Variants in REPS2 observed in about 807,000 individuals in gnomAD.
REPS2 encodes RALBP1 associated Eps domain containing 2.
A neutral mutation model predicts 53.6 loss-of-function variants in REPS2; 23 were observed. That is an observed-to-expected ratio of 0.43 (90% CI 0.31 to 0.61). The LOEUF is 0.61. REPS2 is among the 20% of genes least tolerant of loss of function. The probability of loss-of-function intolerance (pLI) is 0.11; values close to 1 mark genes in which losing one functional copy is unlikely to be tolerated. For synonymous variants in REPS2, 238 were observed against 218.6 expected (o/e 1.09, Z -0.78); for missense variants, 446 against 534.9 (o/e 0.83, Z 1.64).
intron 1 of REPS2, among the ~76,000 whole-genome samples, chrX:16,951,561 C>A (rs55694365): frequency 0.021 from 542 of 25,706 alleles, 45 homozygotes; most frequent in Middle Eastern, 0.086. Flanking sequence ...ACACACACAC[C>A]CCCGCTACCT....
intron 7 of REPS2, 46 bp downstream of exon 7, chrX:17,052,491 C>A: frequency 9.9e-7 from 1 of 1,009,339 alleles, no homozygotes; most frequent in Non-Finnish European, 1.4e-6. Flanking sequence ...TCATCCATAA[C>A]TCATCCTTTA....
At chrX:17,170,954 A>C in the REPS2 span, among the ~76,000 whole-genome samples, 631 of 112,949 alleles carry the variant, frequency 5.6e-3, 2 homozygotes, top group African/African-American at 0.019. Context: ...GCCAGACTCC[A>C]AAGGCCAGGT....
At chrX:17,097,177 G>C (rs759882614) in intron 13 of REPS2, among the ~76,000 whole-genome samples, 2 of 111,996 alleles carry the variant, frequency 1.8e-5, no homozygotes, top group Non-Finnish European at 3.8e-5. Flanking sequence ...AATAGCAATA[G>C]TAGAAACCAG....
intron 1 of REPS2, among the ~76,000 whole-genome samples, chrX:16,974,760 T>C (rs1397623655): frequency 9.0e-6 from 1 of 111,610 alleles, no homozygotes; most frequent in Non-Finnish European, 1.9e-5. Flanking sequence ...TGCTGATTTG[T>C]TGTATAGGTA....
chrX:17,064,439 A>G (rs2062199989), intron 9 of REPS2, among the ~76,000 whole-genome samples: 1 of 111,912 alleles, frequency 8.9e-6, no homozygotes, highest in Admixed American at 9.5e-5. Flanking sequence ...TTGTGTTCTG[A>G]ACAAAGCTGC....
intron 14 of REPS2, among the ~76,000 whole-genome samples, chrX:17,111,212 G>T (rs946221644): frequency 1.8e-5 from 2 of 111,493 alleles, no homozygotes; most frequent in Non-Finnish European, 3.8e-5. Context: ...TTAAAACTCC[G>T]TGAATAAACA....
At chrX:17,058,027 T>C (rs775114928) in intron 8 of REPS2, among the ~76,000 whole-genome samples, 2 of 112,340 alleles carry the variant, frequency 1.8e-5, no homozygotes, top group Non-Finnish European at 3.8e-5. Context: ...AGTTTTCTGT[T>C]TGGGGGTCAT....
intron 14 of REPS2, among the ~76,000 whole-genome samples, chrX:17,107,978 T>C (rs1471378350): frequency 2.7e-5 from 3 of 111,246 alleles, no homozygotes; most frequent in Non-Finnish European, 5.7e-5. Flanking sequence ...TGCAGTGGCA[T>C]GTTCAGGGCT....
chrX:17,195,748 A>T, the REPS2 span, among the ~76,000 whole-genome samples: 3 of 112,336 alleles, frequency 2.7e-5, no homozygotes, highest in East Asian at 8.3e-4. Flanking sequence ...GACACTTTAA[A>T]GTGTTTTACC....
intron 9 of REPS2, among the ~76,000 whole-genome samples, chrX:17,067,438 C>T (rs939649064): frequency 8.9e-6 from 1 of 112,042 alleles, no homozygotes; most frequent in East Asian, 2.8e-4. Flanking sequence ...CATTTAACAT[C>T]AACTCCCTTA....
At chrX:17,189,871 A>G in the REPS2 span, among the ~76,000 whole-genome samples, 65 of 112,182 alleles carry the variant, frequency 5.8e-4, no homozygotes, top group South Asian at 0.023. Flanking sequence ...CTATCTGCCC[A>G]GGTCCCTAAC....
At chrX:17,079,634 T>C (rs1188187862) in intron 13 of REPS2, among the ~76,000 whole-genome samples, 2 of 112,205 alleles carry the variant, frequency 1.8e-5, no homozygotes, top group African/African-American at 6.5e-5. Context: ...ACGATCTCCC[T>C]TGTGGTAGGG....
At chrX:17,140,735 A>ATAGTATTAT (rs2063431980) in intron 17 of REPS2, among the ~76,000 whole-genome samples, 1 of 89,656 alleles carries the variant, frequency 1.1e-5, no homozygotes, top group African/African-American at 4.1e-5. Context: ...GCATGCACAA[A>ATAGTATTAT]TATTATTATT....
chrX:17,196,169 C>T, the REPS2 span, among the ~76,000 whole-genome samples: 1 of 111,383 alleles, frequency 9.0e-6, no homozygotes, highest in Non-Finnish European at 1.9e-5. Context: ...GTAGATACAG[C>T]GTAGGACAAA....
At chrX:16,969,188 C>T (rs955741998) in intron 1 of REPS2, among the ~76,000 whole-genome samples, 1 of 109,056 alleles carries the variant, frequency 9.2e-6, no homozygotes, top group African/African-American at 3.3e-5. Context: ...AAGAGGCGCT[C>T]CTCACTTCCT....
intron 13 of REPS2, among the ~76,000 whole-genome samples, chrX:17,092,120 C>T (rs1415729765): frequency 8.9e-6 from 1 of 111,812 alleles, no homozygotes; most frequent in Non-Finnish European, 1.9e-5. Context: ...CCTGAAGAAT[C>T]GGCTCTCTGT....
rs776426876 is a variant in REPS2, at chrX:17,074,195, G to T, written c.1379+36G>T. 4.4e-6 allele frequency: 5 copies of T among 1,148,717 alleles called. No individual in the cohort carries two copies. The African/African-American group carries it at 7.2e-5, about 16-fold the overall frequency. The allele number at this position is 1,148,717 out of a possible 1,213,427, so 94.7% of individuals were successfully genotyped here. On this transcript the variant is annotated intron_variant, in intron 12 of 17. Transcript: ENST00000357277. Reference sequence around the variant, plus strand: ...TTTAATTTCTGCTTTAATGCCCTTTGTGCCGTGCCCCTGCCTAGAAATAAG... The same window carrying T: ...TTTAATTTCTGCTTTAATGCCCTTTTTGCCGTGCCCCTGCCTAGAAATAAG...
At chrX:17,049,720 TTATC>T (rs2061953926) in intron 6 of REPS2, among the ~76,000 whole-genome samples, 1 of 111,104 alleles carries the variant, frequency 9.0e-6, no homozygotes, top group African/African-American at 3.3e-5. Context: ...CCTCAAGCAT[TTATC>T]TATTAAGTTG....
intron 1 of REPS2, among the ~76,000 whole-genome samples, chrX:16,983,687 A>C (rs2061052006): frequency 1.8e-5 from 2 of 112,376 alleles, no homozygotes; most frequent in African/African-American, 6.5e-5. Flanking sequence ...TATTTTCAGT[A>C]GAGATGGGAT....
Sources: gnomAD v4.1 joint callset for allele counts (sites outside exome capture counted in the v4.1 genomes callset) on GRCh38, gnomAD v4.1.1 for gene constraint, MANE v1.5 for transcripts, NCBI Gene and HGNC (gene_info 2026-07-23, HGNC 2026-07-21) for gene names.